Variants in TRMT2B observed in about 807,000 individuals in gnomAD.
The protein encoded by TRMT2B is tRNA methyltransferase 2B, also known as tRNA (uracil-5-)-methyltransferase homolog B.
A neutral mutation model predicts 39.7 loss-of-function variants in TRMT2B; 34 were observed. The ratio of observed to expected loss-of-function variants is 0.86; its 90% confidence interval spans 0.65 to 1.14. The LOEUF is 1.14. Among genes scored for constraint, TRMT2B ranks in the 50% most tolerant of loss-of-function variants. The pLI, the probability that TRMT2B is intolerant of heterozygous loss-of-function variation, is 0.00. For missense variants in TRMT2B, 318 were observed against 377.2 expected (o/e 0.84, Z 1.30); for synonymous variants, 132 against 137.3 (o/e 0.96, Z 0.27).
chrX:100,985,537 T>C, the TRMT2B span: 3 of 754,967 alleles, frequency 4.0e-6, no homozygotes, highest in Non-Finnish European at 5.6e-6. Flanking sequence ...GCTTTTCCTC[T>C]CTTCCCCTCT....
At chrX:101,050,013 C>T (rs1175312352) in intron 2 of TRMT2B, among the ~76,000 whole-genome samples, 1 of 111,455 alleles carries the variant, frequency 9.0e-6, no homozygotes, top group East Asian at 2.8e-4. Flanking sequence ...AGGAAGGAAA[C>T]TGCAGGCCCA....
rs201360816 is a variant in TRMT2B, at chrX:101,038,014, A to C, written c.341T>G (p.Leu114Arg). The C allele has an allele frequency of 9.3e-5, 112 of 1,207,189 alleles. No homozygotes were observed. Among genetic ancestry groups the C allele is most frequent in the Non-Finnish European group, 1.7e-5 (15 of 893,682 alleles). Reference protein sequence around the residue: ...FAAQKKILQRLESYIQMLNGV... With the variant: ...FAAQKKILQRRESYIQMLNGV... ...ATTGAGCATTTGGATGTAAGACTCT[A>C]GTCTTTGTAAAATTTTCTTCTGAGC... Residue 114 changes from leucine (L) to arginine (R), a missense_variant, in exon 5 of 14, where the codon CTA (leucine) becomes CGA (arginine). Transcript: ENST00000372936.
intron 13 of TRMT2B, among the ~76,000 whole-genome samples, chrX:101,012,412 G>A (rs1336240563): frequency 9.3e-6 from 1 of 107,476 alleles, no homozygotes; most frequent in Non-Finnish European, 1.9e-5. Context: ...ATGCTGGTGC[G>A]CTGCCCCCAC....
At chrX:101,001,373 C>T in the TRMT2B span, among the ~76,000 whole-genome samples, 1 of 110,606 alleles carries the variant, frequency 9.0e-6, no homozygotes, top group African/African-American at 3.3e-5. Context: ...GTAGCTGGGA[C>T]TACAGGCACA....
chrX:101,040,294 A>T (rs1409940937), intron 4 of TRMT2B, among the ~76,000 whole-genome samples: 3 of 2,479 alleles, frequency 1.2e-3, no homozygotes, highest in Non-Finnish European at 2.0e-3. Flanking sequence ...ACTCTATTTA[A>T]AAAAAAAAAA....
rs946545345 is a variant in TRMT2B, at chrX:101,051,800, T to C, written c.-507+17A>G. ...CCACCTTACCTTCCTTCGTAACCAA[T>C]AAATCCTCTTACAAACCTGAGGCGG... On this transcript the variant is annotated intron_variant, in intron 1 of 13. Transcript: ENST00000372936. The C allele has an allele frequency of 2.9e-5, 16 of 555,207 alleles. No individual in the cohort carries two copies. Among genetic ancestry groups the C allele is most frequent in the African/African-American group, 7.5e-5 (3 of 39,738 alleles). The allele number at this position is 555,207 out of a possible 1,213,427, so 45.8% of individuals were successfully genotyped here. A position where few individuals can be genotyped will look rare whatever the true frequency, so the allele number is the denominator to read the frequency against.
chrX:101,004,177 A>AT, the TRMT2B span, among the ~76,000 whole-genome samples: 4 of 110,628 alleles, frequency 3.6e-5, no homozygotes, highest in Non-Finnish European at 7.6e-5. Context: ...TAATTTTTTT[A>AT]TTTTTTGTGG....
downstream of TRMT2B, among the ~76,000 whole-genome samples, chrX:101,008,458 C>T (rs2086140934): frequency 1.8e-5 from 2 of 110,623 alleles, no homozygotes; most frequent in Admixed American, 9.7e-5. Flanking sequence ...CCCATCTCTA[C>T]TAAAAATACA....
At chrX:100,981,671 T>A in the TRMT2B span, among the ~76,000 whole-genome samples, 2 of 105,937 alleles carry the variant, frequency 1.9e-5, no homozygotes, top group African/African-American at 6.9e-5. Context: ...TAGCCAGGTA[T>A]GGTGACACAT....
chrX:101,021,290 G>C lies in TRMT2B; in HGVS notation c.877C>G (p.Gln293Glu), dbSNP rs2086790039. ...CCAAACAGAAGCTGATAGGGAGACTGCTGATGGCTGCAACGGGTCATGGTA... is the reference window on the plus strand; with the variant it reads ...CCAAACAGAAGCTGATAGGGAGACTCCTGATGGCTGCAACGGGTCATGGTA... ...ESTMTRCSHQ[Q>E]SPYQLLFGEP... Residue 293 changes from glutamine to glutamate, a missense_variant, in exon 10 of 14, where the codon CAG becomes GAG. By Grantham distance (29) the Gln-to-Glu change is conservative (BLOSUM62 2). Coordinates refer to ENST00000372936, the MANE Select transcript of TRMT2B (RefSeq NM_024917.6). 1 of 1,210,137 alleles carries C rather than the reference G, an allele frequency of 8.3e-7. No homozygotes were observed. Among genetic ancestry groups the C allele is most frequent in the Middle Eastern group, 2.3e-4 (1 of 4,336 alleles).
chrX:101,037,087 A>G lies in TRMT2B; in HGVS notation c.439-14T>C. On this transcript the variant is annotated splice_polypyrimidine_tract_variant and intron_variant, in intron 5 of 13. Coordinates refer to ENST00000372936, the MANE Select transcript of TRMT2B (RefSeq NM_024917.6). ...ATTGATGACAGGCTGGAGAGGGCAG[A>G]AGGACAGGAGGGGGATGAGAGGTCA... 8.6e-7 allele frequency: 1 copy of G among 1,157,159 alleles called. No homozygotes were observed. Among genetic ancestry groups the G allele is most frequent in the Non-Finnish European group, 1.2e-6 (1 of 845,804 alleles).
intron 2 of TRMT2B, among the ~76,000 whole-genome samples, chrX:101,045,044 G>C (rs1408974317): frequency 4.7e-5 from 5 of 105,461 alleles, no homozygotes; most frequent in Admixed American, 4.2e-4. Context: ...AAAAAAAGGG[G>C]GGGGTGGGGT....
At chrX:101,010,788 C>CTTTTT in intron 13 of TRMT2B, 81 bp from the exon 14 acceptor site, 2 of 1,013,955 alleles carry the variant, frequency 2.0e-6, no homozygotes, top group Non-Finnish European at 1.3e-6. Flanking sequence ...AATAGAGGCC[C>CTTTTT]TTCCACTGTG....
rs200061526 is a variant in TRMT2B at position 101,021,072 on chromosome X, T to C, written c.1066+29A>G. ...CAAGGGCCTTGGGAGCTGAGCAGCA[T>C]GCAGATTCTGCCCTGGGCTTCCACT... On this transcript the variant is annotated intron_variant, in intron 10 of 13. Coordinates refer to ENST00000372936, the MANE Select transcript of TRMT2B (RefSeq NM_024917.6). The C allele has an allele frequency of 4.0e-5, 48 of 1,186,352 alleles. No individual in the cohort carries two copies. The African/African-American group carries it at 7.4e-4, about 18-fold the overall frequency.
chrX:100,998,445 C>T, the TRMT2B span, among the ~76,000 whole-genome samples: 2 of 106,616 alleles, frequency 1.9e-5, no homozygotes, highest in African/African-American at 6.8e-5. Flanking sequence ...ATCCCAGCTA[C>T]TCGGGAGACT....
chrX:101,050,807 G>A (rs1053915261), intron 2 of TRMT2B, among the ~76,000 whole-genome samples: 1 of 110,880 alleles, frequency 9.0e-6, no homozygotes, highest in African/African-American at 3.3e-5. Context: ...ACTTTGGGAG[G>A]CCGAGGCAGC....
the TRMT2B span, chrX:100,990,323 T>C: frequency 2.2e-6 from 2 of 904,425 alleles, no homozygotes. Context: ...TTTTCTCTTT[T>C]TACTTTCAAC....
chrX:100,992,459 T>C, the TRMT2B span, among the ~76,000 whole-genome samples: 3 of 110,748 alleles, frequency 2.7e-5, no homozygotes, highest in Non-Finnish European at 5.7e-5. Context: ...CACGAGCCTG[T>C]AACACCAGCT....
the TRMT2B span, chrX:100,988,348 T>C: frequency 2.5e-6 from 3 of 1,207,152 alleles, no homozygotes; most frequent in East Asian, 8.9e-5. Flanking sequence ...ACCAACTAAC[T>C]TTCCCCCCCA....
Sources: gnomAD v4.1 joint callset for allele counts (sites outside exome capture counted in the v4.1 genomes callset) on GRCh38, gnomAD v4.1.1 for gene constraint, MANE v1.5 for transcripts, NCBI Gene and HGNC (gene_info 2026-07-23, HGNC 2026-07-21) for gene names.